The following CAMK2A variants were observed in gnomAD, a reference collection of about 807,000 sequenced individuals.
The protein encoded by CAMK2A is calcium/calmodulin-dependent protein kinase type II subunit alpha.
CAMK2A carries 7 observed loss-of-function variants against 79.2 expected under a neutral mutation model. The observed-to-expected ratio is 0.09, with a 90% CI of 0.05 to 0.17. The LOEUF is 0.17. Ranked by LOEUF, CAMK2A falls within the 10% of genes least tolerant of loss-of-function variation. The pLI is 1.00. For synonymous variants in CAMK2A, 242 were observed against 251.7 expected (o/e 0.96, Z 0.36); for missense variants, 214 against 646.4 (o/e 0.33, Z 7.25).
intron 2 of CAMK2A, among the ~76,000 whole-genome samples, chr5:150,272,709 G>A (rs1246209392): frequency 6.6e-6 from 1 of 151,996 alleles, no homozygotes; most frequent in Non-Finnish European, 1.5e-5. Flanking sequence ...CATGAAAGGA[G>A]CCAGGAGATG....
chr5:150,265,350 A>G (rs1471999777), intron 2 of CAMK2A: 2 of 264,692 alleles, frequency 7.6e-6, no homozygotes, highest in Admixed American at 4.3e-5. Flanking sequence ...CTTCACCTCT[A>G]CAAGCAGATC....
intron 1 of CAMK2A, among the ~76,000 whole-genome samples, chr5:150,285,942 G>A (rs984931625): frequency 2.6e-5 from 4 of 152,046 alleles, no homozygotes; most frequent in East Asian, 1.9e-4. Flanking sequence ...TTCCTTGAAC[G>A]TGACCCCTTC....
chr5:150,229,364 C>G (rs1046984456), intron 16 of CAMK2A, among the ~76,000 whole-genome samples: 20 of 152,296 alleles, frequency 1.3e-4, no homozygotes, highest in African/African-American at 4.8e-4. Flanking sequence ...GAGTGGGGGT[C>G]TGGACATGTG....
chr5:150,262,457 T>C, intron 3 of CAMK2A, among the ~76,000 whole-genome samples: 1 of 152,162 alleles, frequency 6.6e-6, no homozygotes, highest in East Asian at 1.9e-4. Flanking sequence ...TCAAAGCTCC[T>C]CTGGGGTCTT....
rs760749643 is a variant in CAMK2A, at chr5:150,222,391, C to T, written c.*319G>A. The T allele has an allele frequency of 1.7e-4, 108 of 641,422 alleles. No homozygotes were observed. Among genetic ancestry groups the T allele is most frequent in the Non-Finnish European group, 2.7e-4 (96 of 352,312 alleles). 39.7% of individuals were successfully genotyped at this position (641,422 alleles called of 1,614,324 possible). ...GCACCAGCCCGGGCATTCTAGCCTA[C>T]AGCCCAAGACAGATCAGGCGGACAG... On this transcript the variant is annotated 3_prime_UTR_variant, in exon 19 of 19. Coordinates refer to ENST00000671881, the MANE Select transcript of CAMK2A (RefSeq NM_015981.4).
At chr5:150,247,852 C>G in intron 11 of CAMK2A, 38 bp from the exon 12 acceptor site, 1 of 1,586,766 alleles carries the variant, frequency 6.3e-7, no homozygotes, top group Non-Finnish European at 8.6e-7. Flanking sequence ...GAGAGGAGGC[C>G]GGAGTGAAGG....
intron 1 of CAMK2A, among the ~76,000 whole-genome samples, chr5:150,288,510 C>G (rs1250631668): frequency 6.6e-6 from 1 of 152,156 alleles, no homozygotes; most frequent in Non-Finnish European, 1.5e-5. Context: ...CCCTCAAAAG[C>G]CCTTCTACAG....
rs890728065 is a variant in CAMK2A at position 150,220,296 on chromosome 5, C to T, written c.*2414G>A. The T allele has an allele frequency of 2.6e-5, 4 of 152,318 alleles. No individual in the cohort carries two copies. The highest frequency in any genetic ancestry group is 2.6e-4 in the Admixed American group (4 of 15,288). 9.4% of individuals were successfully genotyped at this position (152,318 alleles called of 1,614,324 possible). A position where few individuals can be genotyped will look rare whatever the true frequency, so the allele number is the denominator to read the frequency against. On this transcript the variant is annotated 3_prime_UTR_variant, in exon 19 of 19. Coordinates refer to ENST00000671881, the MANE Select transcript of CAMK2A (RefSeq NM_015981.4). The stretch of plus-strand genomic sequence containing the variant: ...CTCACCCCAAATCACTGCTCTTTCC[C>T]CTGCAGTCCACTGCTGAAAAGCAGT...
intron 6 of CAMK2A, among the ~76,000 whole-genome samples, chr5:150,255,491 A>G (rs780840858): frequency 7.9e-5 from 12 of 152,248 alleles, no homozygotes; most frequent in Non-Finnish European, 1.3e-4. Context: ...TACACCCTGC[A>G]GGGGACTTAG....
chr5:150,230,317 CAAAAA>C lies in CAMK2A; in HGVS notation c.1142+983_1142+987del, dbSNP rs1216883745. On this transcript the variant is annotated intron_variant, in intron 16 of 18. Coordinates refer to ENST00000671881, the MANE Select transcript of CAMK2A (RefSeq NM_015981.4). ...TGGGTGACAGAGTGAGACTCCGTCT[CAAAAA>C]AAAAAAAAAAAAAAAAAAGGGAAAA... Among the ~76,000 whole-genome samples the C allele has an allele frequency of 8.2e-5, 5 of 60,640 alleles. No individual in the cohort carries two copies. The South Asian group carries it at 2.4e-3, about 29-fold the overall frequency. 39.8% of individuals were successfully genotyped at this position (60,640 alleles called of 152,430 possible). A position where few individuals can be genotyped will look rare whatever the true frequency, so the allele number is the denominator to read the frequency against.
rs143825429 is a variant in CAMK2A at position 150,223,554 on chromosome 5, C to A, written c.1238-337G>T. 1.3e-5 allele frequency among the ~76,000 whole-genome samples: 2 copies of A among 152,152 alleles called. No individual in the cohort carries two copies. Among genetic ancestry groups the A allele is most frequent in the Non-Finnish European group, 2.9e-5 (2 of 68,028 alleles). ...AGAGCTGTGAGCACAGTCTCAAATC[C>A]GGATCCCCCCAGGTACCAGGCAGGC... is the stretch of plus-strand genomic sequence containing the variant. On this transcript the variant is annotated intron_variant, in intron 17 of 18. Transcript: ENST00000671881. The surrounding 1 kb of genome is among the most constrained non-coding windows in gnomAD (Gnocchi z 4.1).
At chr5:150,228,654 C>T (rs1449273356) in intron 16 of CAMK2A, among the ~76,000 whole-genome samples, 2 of 152,134 alleles carry the variant, frequency 1.3e-5, no homozygotes, top group African/African-American at 2.4e-5. Context: ...CTCCCTGGTT[C>T]AGGGCAGTGG....
intron 12 of CAMK2A, among the ~76,000 whole-genome samples, chr5:150,246,656 G>C (rs1755579974): frequency 6.6e-6 from 1 of 152,170 alleles, no homozygotes; most frequent in Admixed American, 6.5e-5. Flanking sequence ...TGACTATCTG[G>C]GTAGCTCATC....
chr5:150,225,754 TA>T (rs1754573368), intron 17 of CAMK2A, among the ~76,000 whole-genome samples: 3 of 13,652 alleles, frequency 2.2e-4, no homozygotes, highest in African/African-American at 4.7e-4. Context: ...TTATTATTAT[TA>T]TTTTTTTTAG....
intron 12 of CAMK2A, 158 bp from the exon 13 acceptor site, chr5:150,245,359 T>TCCA: frequency 1.7e-6 from 1 of 574,580 alleles, no homozygotes. Context: ...CTCCTCCTCC[T>TCCA]CCTCCTCCTC....
intron 1 of CAMK2A, among the ~76,000 whole-genome samples, chr5:150,278,072 T>G (rs1316049703): frequency 6.6e-6 from 1 of 152,220 alleles, no homozygotes. Flanking sequence ...ACGCTGAACT[T>G]GACACATCAC....
chr5:150,230,181 GGTGGC>G (rs1198916646), intron 16 of CAMK2A, among the ~76,000 whole-genome samples: 5 of 152,046 alleles, frequency 3.3e-5, no homozygotes, highest in Non-Finnish European at 7.4e-5. Context: ...AGCTGGGCGT[GGTGGC>G]GTGCACCTGT....
intron 1 of CAMK2A, among the ~76,000 whole-genome samples, chr5:150,281,626 G>T (rs767838535): frequency 1.3e-5 from 2 of 152,246 alleles, no homozygotes; most frequent in Non-Finnish European, 2.9e-5. Flanking sequence ...TCTCAGGTTA[G>T]AGGGGGTCCG....
chr5:150,235,603 C>T (rs750033617), intron 15 of CAMK2A, among the ~76,000 whole-genome samples: 1 of 152,136 alleles, frequency 6.6e-6, no homozygotes, highest in Non-Finnish European at 1.5e-5. Flanking sequence ...TTTCAAGGAG[C>T]GAATCAGGAG....
Sources: allele counts gnomAD v4.1 joint callset (sites outside exome capture counted in the v4.1 genomes callset), GRCh38; gene constraint gnomAD v4.1.1; non-coding constraint Gnocchi (gnomAD v3.1); transcripts MANE v1.5; gene names NCBI Gene and HGNC (gene_info 2026-07-23, HGNC 2026-07-21).